TSNARE1: variants seen among roughly 807,000 people sequenced by gnomAD.
TSNARE1 encodes t-SNARE domain-containing protein 1.
Under a neutral mutation model 62.0 loss-of-function variants are expected in TSNARE1, and 49 were observed. That is an observed-to-expected ratio of 0.79 (90% confidence interval 0.63 to 1.00). The LOEUF (loss-of-function observed/expected upper bound fraction) is 1.00. Among genes scored for constraint, TSNARE1 ranks in the 50% least tolerant of loss-of-function variants. The pLI, the probability that TSNARE1 is intolerant of heterozygous loss-of-function variation, is 0.00. For missense variants in TSNARE1, 755 were observed against 700.1 expected (o/e 1.08, Z -0.88); for synonymous variants, 328 against 294.4 (o/e 1.11, Z -1.17).
intron 12 of TSNARE1, among the ~76,000 whole-genome samples, chr8:142,230,563 T>C (rs1817053469): frequency 1.3e-5 from 2 of 151,818 alleles, no homozygotes; most frequent in Non-Finnish European, 1.5e-5. Context: ...AACGTGTCCA[T>C]GAAAGATGGG....
rs10100935 is a variant in TSNARE1, at chr8:142,344,359, T to C, written c.352A>G (p.Thr118Ala). 0.38 allele frequency: 603,068 copies of C among 1,572,936 alleles called. 125,066 individuals are homozygous for C. Among genetic ancestry groups the C allele is most frequent in the African/African-American group, 0.78 (57,229 of 73,454 alleles). Residue 118 changes from threonine to alanine, a missense_variant, in exon 4 of 14, where the codon ACT becomes GCT. By Grantham distance (58) the Thr-to-Ala change is moderately conservative. Transcript: ENST00000524325. Reference protein sequence around the residue: ...GPHGRMAGPSTTRAKKRKPNF... With the variant: ...GPHGRMAGPSATRAKKRKPNF... ...GGCTTCCTCTTCTTGGCCCGGGTAG[T>C]GCTGGGCCCCGCCATCCGGCCATGG... is the stretch of plus-strand genomic sequence containing the variant.
intron 12 of TSNARE1, among the ~76,000 whole-genome samples, chr8:142,253,851 G>A (rs1017465434): frequency 2.0e-5 from 3 of 152,180 alleles, no homozygotes; most frequent in Non-Finnish European, 2.9e-5. Context: ...ATGGACTCCC[G>A]AGCCCGGAAC....
At chr8:142,400,614 C>T (rs961286736) in intron 1 of TSNARE1, among the ~76,000 whole-genome samples, 1 of 152,158 alleles carries the variant, frequency 6.6e-6, no homozygotes, top group Admixed American at 6.5e-5. Flanking sequence ...GTGGCAGGCA[C>T]CTGTAGTCCC....
chr8:142,221,407 C>T (rs1221755592), intron 13 of TSNARE1, among the ~76,000 whole-genome samples: 1 of 152,238 alleles, frequency 6.6e-6, no homozygotes. Context: ...AAATCAATGG[C>T]TTTGAGGCTG....
At chr8:142,214,639 G>C (rs371041844) in intron 13 of TSNARE1, among the ~76,000 whole-genome samples, 6 of 152,272 alleles carry the variant, frequency 3.9e-5, no homozygotes, top group Admixed American at 2.6e-4. Context: ...CCCCTGCTAC[G>C]GTCTGAGTGC....
chr8:142,237,486 GCACA>G (rs957127771), intron 12 of TSNARE1, among the ~76,000 whole-genome samples: 1 of 152,234 alleles, frequency 6.6e-6, no homozygotes, highest in Non-Finnish European at 1.5e-5. Flanking sequence ...CCCCGTGAGT[GCACA>G]GGCCCTGGCT....
At chr8:142,315,296 G>A (rs1315907085) in intron 7 of TSNARE1, among the ~76,000 whole-genome samples, 1 of 151,920 alleles carries the variant, frequency 6.6e-6, no homozygotes, top group Non-Finnish European at 1.5e-5. Flanking sequence ...AAAATCCGGT[G>A]CAGGGGTCAA....
upstream of TSNARE1, chr8:142,406,555 G>A (rs1262148055): frequency 1.3e-5 from 2 of 152,270 alleles, no homozygotes; most frequent in Non-Finnish European, 2.9e-5. Context: ...TGCAGCCCGG[G>A]CTTCCAACCA....
chr8:142,214,089 C>T (rs1815710144), intron 13 of TSNARE1, among the ~76,000 whole-genome samples: 1 of 152,216 alleles, frequency 6.6e-6, no homozygotes, highest in African/African-American at 2.4e-5. Flanking sequence ...GAGGCATGGC[C>T]AGGGTCTGAG....
chr8:142,314,864 C>A, intron 8 of TSNARE1, 139 bp downstream of exon 8: 1 of 803,414 alleles, frequency 1.2e-6, no homozygotes, highest in Non-Finnish European at 2.1e-6. Context: ...AGACTGTCTG[C>A]AAGAACAACC....
At chr8:142,268,626 CGT>C (rs5895709) in intron 12 of TSNARE1, among the ~76,000 whole-genome samples, 13,595 of 152,258 alleles carry the variant, frequency 0.089, 759 homozygotes, top group East Asian at 0.29. Flanking sequence ...GGGCTGAAGC[CGT>C]GTTTTCCAGC....
At chr8:142,386,314 C>T (rs1395779636) in intron 1 of TSNARE1, among the ~76,000 whole-genome samples, 1 of 152,096 alleles carries the variant, frequency 6.6e-6, no homozygotes, top group Non-Finnish European at 1.5e-5. Flanking sequence ...TCCCTCTCAA[C>T]ATGAAGTATT....
At chr8:142,310,632 C>T (rs763979349) in intron 9 of TSNARE1, among the ~76,000 whole-genome samples, 17 of 152,174 alleles carry the variant, frequency 1.1e-4, no homozygotes, top group Non-Finnish European at 2.1e-4. Flanking sequence ...TTTTCTCATG[C>T]GTTTTGAAGG....
intron 12 of TSNARE1, among the ~76,000 whole-genome samples, chr8:142,254,274 G>A (rs866311882): frequency 1.3e-5 from 2 of 152,204 alleles, no homozygotes; most frequent in Admixed American, 6.5e-5. Context: ...GGCTTCCCCA[G>A]TGCCCCGTGG....
chr8:142,318,097 T>C (rs941136701), intron 7 of TSNARE1, among the ~76,000 whole-genome samples: 2 of 152,172 alleles, frequency 1.3e-5, no homozygotes, highest in East Asian at 3.9e-4. Context: ...TTGAGGCCCA[T>C]GCGTCTGATA....
At chr8:142,364,653 G>A (rs1249925236) in intron 1 of TSNARE1, among the ~76,000 whole-genome samples, 1 of 152,224 alleles carries the variant, frequency 6.6e-6, no homozygotes, top group Non-Finnish European at 1.5e-5. Context: ...CATGGAGCAT[G>A]CTGTTATGCA....
intron 1 of TSNARE1, among the ~76,000 whole-genome samples, chr8:142,363,441 G>A (rs943054597): frequency 2.0e-5 from 3 of 152,140 alleles, no homozygotes; most frequent in Non-Finnish European, 4.4e-5. Flanking sequence ...CAGGGGCCTC[G>A]TGCCCCTCCC....
chr8:142,318,544 C>A lies in TSNARE1; in HGVS notation c.984G>T (p.Pro328=). The A allele has an allele frequency of 6.2e-7, 1 of 1,612,344 alleles. No individual in the cohort carries two copies. Residue 328 remains proline, a splice_region_variant and synonymous_variant, in exon 7 of 14, where the codon CCG becomes CCT. Coordinates refer to ENST00000524325, the MANE Select transcript of TSNARE1 (RefSeq NM_145003.5). The part of the protein sequence containing the change: ...QMAELLRSSC[P]QERLQQERPQ... ...CCAGCCCCAGACCCCAGGAACATAC[C>A]GGGCAGGAGCTGCGCAGCAGCTCGG...
intron 2 of TSNARE1, among the ~76,000 whole-genome samples, chr8:142,352,783 G>C (rs1332357396): frequency 6.6e-6 from 1 of 152,178 alleles, no homozygotes. Context: ...GAACCAGCAA[G>C]ATGCGGCACA....
Sources: gnomAD v4.1 joint callset for allele counts (sites outside exome capture counted in the v4.1 genomes callset) on GRCh38, gnomAD v4.1.1 for gene constraint, MANE v1.5 for transcripts, NCBI Gene and HGNC (gene_info 2026-07-23, HGNC 2026-07-21) for gene names.